Variants in PDE3A observed in about 807,000 individuals in gnomAD.
PDE3A encodes the protein phosphodiesterase 3A.
Under a neutral mutation model 98.3 loss-of-function variants are expected in PDE3A, and 43 were observed. That is an observed-to-expected ratio of 0.44 (90% confidence interval 0.34 to 0.56). PDE3A has a LOEUF of 0.56. PDE3A is among the 20% of genes least tolerant of loss of function. The probability of loss-of-function intolerance (pLI) is 0.01; values close to 1 mark genes in which losing one functional copy is unlikely to be tolerated. For synonymous variants in PDE3A, 663 were observed against 567.9 expected, an observed-to-expected ratio of 1.17 and a Z score of -2.38; for missense variants, 1,427 against 1,440.7, an observed-to-expected ratio of 0.99 and a Z score of 0.15.
rs1647593603 is a variant in PDE3A, at chr12:20,424,262, T to TCTCC, written c.960+54018_960+54019insCTCC. Among the ~76,000 whole-genome samples, 7 of 152,288 alleles carry TCTCC rather than the reference T, an allele frequency of 4.6e-5. No homozygotes were observed. In the South Asian group the frequency reaches 1.4e-3, roughly 32 times the overall value. On this transcript the variant is annotated intron_variant, in intron 1 of 15. Transcript: ENST00000359062. ...GAGTTGTGAGTTGAAAAGGAAAAAG[T>TCTCC]AGTGATTAATGGAGACATGAGCTAG...
rs1231843496 is a variant in PDE3A, at chr12:20,448,973, C to T, written c.960+78729C>T. Among the ~76,000 whole-genome samples, 3 of 152,102 alleles carry T rather than the reference C, an allele frequency of 2.0e-5. No individual in the cohort carries two copies. In the East Asian group the frequency reaches 5.8e-4, roughly 29 times the overall value. ...CTTTAAATGGAATTTATTTTGGTTTCCTACTTCCTCCATTAAAGTACATTA... is the reference window on the plus strand; with the variant it reads ...CTTTAAATGGAATTTATTTTGGTTTTCTACTTCCTCCATTAAAGTACATTA... On this transcript the variant is annotated intron_variant, in intron 1 of 15. Coordinates refer to ENST00000359062, the MANE Select transcript of PDE3A (RefSeq NM_000921.5).
rs1945870968 is a variant in PDE3A, at chr12:20,683,853, A to C, written c.*3582A>C. On this transcript the variant is annotated 3_prime_UTR_variant, in exon 16 of 16. Coordinates refer to ENST00000359062, the MANE Select transcript of PDE3A (RefSeq NM_000921.5). ...GAACAAATCTTTCCGTTGCAATCCC[A>C]GTAAAACGAAAGAAAAGGAATATCT... 2 of 152,196 alleles carry C rather than the reference A, an allele frequency of 1.3e-5. No individual in the cohort carries two copies. Among genetic ancestry groups the C allele is most frequent in the Admixed American group, 6.5e-5 (1 of 15,280 alleles). 9.4% of individuals were successfully genotyped at this position (152,196 alleles called of 1,614,324 possible).
At chr12:20,478,143 ATTC>A (rs1223150083) in intron 1 of PDE3A, among the ~76,000 whole-genome samples, 2 of 152,194 alleles carry the variant, frequency 1.3e-5, no homozygotes, top group African/African-American at 4.8e-5. Context: ...AGCTTTAGGA[ATTC>A]TTCTTCATCT....
chr12:20,552,252 T>C lies in PDE3A; in HGVS notation c.961-4408T>C. 1 of 1,613,268 alleles carries C rather than the reference T, an allele frequency of 6.2e-7. No individual in the cohort carries two copies. Among genetic ancestry groups the C allele is most frequent in the Non-Finnish European group, 8.5e-7 (1 of 1,179,708 alleles). Reference sequence around the variant, plus strand: ...TCAGGGTGGTGCGCAATGTCAAGGGTGGCAAGAATAGCAAGTACGCCCCCG... The same window carrying C: ...TCAGGGTGGTGCGCAATGTCAAGGGCGGCAAGAATAGCAAGTACGCCCCCG... On this transcript the variant is annotated intron_variant, in intron 1 of 15. Coordinates refer to ENST00000359062, the MANE Select transcript of PDE3A (RefSeq NM_000921.5). This position sits in a 1 kb window ranked among gnomAD's most constrained non-coding sequence, Gnocchi z 5.1.
intron 1 of PDE3A, among the ~76,000 whole-genome samples, chr12:20,375,539 C>A (rs1188496568): frequency 6.6e-6 from 1 of 151,854 alleles, no homozygotes; most frequent in East Asian, 1.9e-4. Context: ...GTTGACCATA[C>A]CTGTTCATTG....
At position 20,471,942 on chromosome 12, in the gene PDE3A, C is replaced by T. The variant is rs191913287; in HGVS notation, c.961-84718C>T. ...TTTTTTAACCAGCGTGGCATTGACG[C>T]GATTGGTCAGAAAGAACATTGATTG... On this transcript the variant is annotated intron_variant, in intron 1 of 15. Transcript: ENST00000359062. Among the ~76,000 whole-genome samples, 33 of 152,186 alleles carry T rather than the reference C, an allele frequency of 2.2e-4. No homozygotes were observed. In the East Asian group the frequency reaches 5.2e-3, roughly 24 times the overall value.
chr12:20,389,008 TAGAG>T (rs770726877), intron 1 of PDE3A, among the ~76,000 whole-genome samples: 9 of 151,922 alleles, frequency 5.9e-5, no homozygotes, highest in Non-Finnish European at 1.2e-4. Flanking sequence ...CTGAGAAAAA[TAGAG>T]AGTGTGCTCT....
chr12:20,568,384 A>T (rs1036553049), intron 2 of PDE3A, among the ~76,000 whole-genome samples: 8 of 152,060 alleles, frequency 5.3e-5, no homozygotes, highest in African/African-American at 1.9e-4. Flanking sequence ...GATATAAATA[A>T]CGTCTATGGC....
intron 1 of PDE3A, among the ~76,000 whole-genome samples, chr12:20,385,710 A>T (rs1943743957): frequency 6.7e-6 from 1 of 150,326 alleles, no homozygotes; most frequent in African/African-American, 2.4e-5. Flanking sequence ...AACACCACAT[A>T]TTCTCACTCA....
intron 4 of PDE3A, 128 bp downstream of exon 4, chr12:20,616,512 G>C (rs1944011536): frequency 2.5e-6 from 2 of 795,840 alleles, no homozygotes; most frequent in Non-Finnish European, 4.0e-6. Context: ...AAGATGGAAA[G>C]GGTACATGGT....
intron 15 of PDE3A, among the ~76,000 whole-genome samples, chr12:20,654,566 G>A (rs535265151): frequency 2.0e-4 from 31 of 151,646 alleles, no homozygotes; most frequent in African/African-American, 6.5e-4. Flanking sequence ...GCACGATCTC[G>A]GCTCACTGCA....
intron 3 of PDE3A, among the ~76,000 whole-genome samples, chr12:20,614,147 A>G (rs1375183706): frequency 1.9e-4 from 2 of 10,368 alleles, no homozygotes; most frequent in Non-Finnish European, 6.9e-4. Flanking sequence ...TACCCTCCTG[A>G]CTTTCCAATA....
chr12:20,589,445 T>C (rs1943271833), intron 2 of PDE3A, among the ~76,000 whole-genome samples: 1 of 152,114 alleles, frequency 6.6e-6, no homozygotes. Flanking sequence ...CTAACCTTCA[T>C]CTGAAATCAA....
chr12:20,426,344 C>A (rs1286060128), intron 1 of PDE3A, among the ~76,000 whole-genome samples: 1 of 152,188 alleles, frequency 6.6e-6, no homozygotes, highest in East Asian at 1.9e-4. Context: ...TATGAGCCAA[C>A]TGTATGTTGC....
At chr12:20,397,483 A>G (rs1031999981) in intron 1 of PDE3A, among the ~76,000 whole-genome samples, 17 of 151,976 alleles carry the variant, frequency 1.1e-4, no homozygotes, top group Non-Finnish European at 4.4e-5. Flanking sequence ...GTTTCCTATA[A>G]CCCATACTAA....
intron 2 of PDE3A, chr12:20,572,054 G>C: frequency 8.4e-7 from 1 of 1,190,562 alleles, no homozygotes; most frequent in African/African-American, 1.6e-5. Flanking sequence ...ATTCATGAAA[G>C]CATGTTTTTA....
intron 2 of PDE3A, 152 bp from the exon 3 acceptor site, chr12:20,613,291 G>A: frequency 1.4e-6 from 1 of 700,396 alleles, no homozygotes; most frequent in Non-Finnish European, 2.3e-6. Context: ...GCACATTTTA[G>A]CAGAATTTGA....
chr12:20,669,325 T>A (rs914604465), intron 15 of PDE3A, among the ~76,000 whole-genome samples: 3 of 151,936 alleles, frequency 2.0e-5, no homozygotes, highest in African/African-American at 7.3e-5. Flanking sequence ...CAGGCCAACG[T>A]TCAGATTCAG....
At chr12:20,592,867 T>TAAAC (rs746203203) in intron 2 of PDE3A, among the ~76,000 whole-genome samples, 66 of 152,308 alleles carry the variant, frequency 4.3e-4, no homozygotes, top group Middle Eastern at 3.4e-3. Context: ...TGAGATTCTC[T>TAAAC]AAACAGTTGA....
Sources: gnomAD v4.1 joint callset for allele counts (sites outside exome capture counted in the v4.1 genomes callset) on GRCh38, gnomAD v4.1.1 for gene constraint, Gnocchi (gnomAD v3.1) non-coding constraint, MANE v1.5 for transcripts, NCBI Gene and HGNC (gene_info 2026-07-23, HGNC 2026-07-21) for gene names.